ARHGAP26: variants seen among roughly 807,000 people sequenced by gnomAD.
The protein encoded by ARHGAP26 is rho GTPase-activating protein 26.
In ARHGAP26, 38 loss-of-function variants were observed where a neutral mutation model predicts 104.8. The observed-to-expected ratio is 0.36, with a 90% CI of 0.28 to 0.48. ARHGAP26 has a LOEUF of 0.48. ARHGAP26 is among the 20% of genes least tolerant of loss of function. The pLI is 0.99. For missense variants in ARHGAP26, 704 were observed against 947.9 expected, an observed-to-expected ratio of 0.74 and a Z score of 3.38; for synonymous variants, 341 against 340.0, an observed-to-expected ratio of 1.00 and a Z score of -0.03.
At chr5:142,953,307 A>AGCAAACAGATTGGTCACCT (rs1180104396) in intron 11 of ARHGAP26, among the ~76,000 whole-genome samples, 1 of 152,230 alleles carries the variant, frequency 6.6e-6, no homozygotes, top group East Asian at 1.9e-4. Context: ...AGAGTCAACA[A>AGCAAACAGATTGGTCACCT]GCAAACAGAT....
intron 11 of ARHGAP26, among the ~76,000 whole-genome samples, chr5:142,949,201 GAGA>G (rs1562136310): frequency 6.6e-5 from 1 of 15,244 alleles, no homozygotes; most frequent in Non-Finnish European, 1.1e-4. Flanking sequence ...GAGAGAGAGA[GAGA>G]GAGAGAGAGA....
intron 11 of ARHGAP26, among the ~76,000 whole-genome samples, chr5:143,012,741 C>T (rs1372543709): frequency 1.3e-5 from 2 of 149,084 alleles, no homozygotes; most frequent in East Asian, 1.9e-4. Context: ...GCAAGCTCGA[C>T]CTCCTGGGTT....
chr5:142,918,101 TTA>T (rs1762731201), intron 10 of ARHGAP26, among the ~76,000 whole-genome samples: 1 of 152,152 alleles, frequency 6.6e-6, no homozygotes, highest in Non-Finnish European at 1.5e-5. Context: ...TTCTTGAACT[TTA>T]TGTTTCAAGG....
At chr5:143,039,765 G>A (rs191203304) in intron 13 of ARHGAP26, among the ~76,000 whole-genome samples, 237 of 152,112 alleles carry the variant, frequency 1.6e-3, no homozygotes, top group Middle Eastern at 3.4e-3. Flanking sequence ...AATGCAAACT[G>A]GTAGCTCAGG....
chr5:143,150,611 T>C (rs531795318), intron 20 of ARHGAP26, among the ~76,000 whole-genome samples: 82 of 152,250 alleles, frequency 5.4e-4, no homozygotes, highest in African/African-American at 1.9e-3. Context: ...AGGAGGGAGC[T>C]GGAATTCCTC....
At chr5:143,069,322 A>T (rs978082944) in intron 17 of ARHGAP26, among the ~76,000 whole-genome samples, 2 of 152,210 alleles carry the variant, frequency 1.3e-5, no homozygotes, top group African/African-American at 4.8e-5. Context: ...ATCCTTAGCA[A>T]CTAGATCAGT....
At chr5:143,070,928 A>G (rs1331734729) in intron 17 of ARHGAP26, among the ~76,000 whole-genome samples, 1 of 152,134 alleles carries the variant, frequency 6.6e-6, no homozygotes, top group African/African-American at 2.4e-5. Flanking sequence ...AAAAACAACA[A>G]AAAAACAGGG....
chr5:143,182,832 A>G (rs781157005), intron 20 of ARHGAP26, among the ~76,000 whole-genome samples: 3 of 152,208 alleles, frequency 2.0e-5, no homozygotes, highest in African/African-American at 7.2e-5. Context: ...GTAAATAGTC[A>G]TCTCCATAAA....
intron 20 of ARHGAP26, among the ~76,000 whole-genome samples, chr5:143,176,170 A>G (rs1251620418): frequency 6.6e-6 from 1 of 152,154 alleles, no homozygotes; most frequent in East Asian, 1.9e-4. Context: ...ATGAAACAGA[A>G]TTGTCTTTAT....
At chr5:142,903,820 T>G (rs1760713880) in intron 8 of ARHGAP26, 151 bp downstream of exon 8, 6 of 851,370 alleles carry the variant, frequency 7.0e-6, no homozygotes, top group Non-Finnish European at 1.0e-5. Flanking sequence ...AGAAAGATGA[T>G]GTCCACAGAA....
At chr5:143,121,364 T>C (rs528636192) in intron 18 of ARHGAP26, among the ~76,000 whole-genome samples, 1 of 152,312 alleles carries the variant, frequency 6.6e-6, no homozygotes, top group East Asian at 1.9e-4. Context: ...GCCATGGTTA[T>C]GGTGGTGGCA....
In ARHGAP26 at chr5:143,090,674, T is replaced by A. The variant is rs1791285088; in HGVS notation, c.1539-30314T>A. The stretch of plus-strand genomic sequence containing the variant: ...GATAATAACCTGTGTAGAATTACAC[T>A]GGGTTAGCTGATGGGGGAGGGCTGT... On this transcript the variant is annotated intron_variant, in intron 17 of 22. Transcript: ENST00000645722. Among the ~76,000 whole-genome samples the A allele has an allele frequency of 1.3e-5, 2 of 152,284 alleles. 1 individual carries two copies. Among genetic ancestry groups the A allele is most frequent in the African/African-American group, 4.8e-5 (2 of 41,554 alleles).
At chr5:143,167,743 A>T (rs1304358480) in intron 20 of ARHGAP26, among the ~76,000 whole-genome samples, 3 of 152,108 alleles carry the variant, frequency 2.0e-5, no homozygotes, top group African/African-American at 7.2e-5. Context: ...TGTCTTGCCT[A>T]CCAGAATATC....
intron 20 of ARHGAP26, among the ~76,000 whole-genome samples, chr5:143,174,654 C>A (rs559333180): frequency 6.6e-6 from 1 of 152,204 alleles, no homozygotes; most frequent in East Asian, 1.9e-4. Flanking sequence ...CAAGTTGAAA[C>A]ATATTCATAT....
chr5:143,141,829 C>T (rs1798573225), intron 19 of ARHGAP26, among the ~76,000 whole-genome samples: 1 of 152,192 alleles, frequency 6.6e-6, no homozygotes, highest in African/African-American at 2.4e-5. Flanking sequence ...AGGCCCATTC[C>T]TCCTTTGCGG....
chr5:143,046,658 T>C (rs1784280934), intron 14 of ARHGAP26, among the ~76,000 whole-genome samples: 1 of 152,246 alleles, frequency 6.6e-6, no homozygotes, highest in African/African-American at 2.4e-5. Flanking sequence ...CCCCCCTGAA[T>C]ATTAAGTAAA....
chr5:143,034,207 G>A (rs1474792470), intron 12 of ARHGAP26, among the ~76,000 whole-genome samples: 1 of 152,122 alleles, frequency 6.6e-6, no homozygotes, highest in Non-Finnish European at 1.5e-5. Flanking sequence ...AAAAAGTTAA[G>A]CACGGTGTCA....
Position 143,057,718 on chromosome 5 carries a change from G to A in ARHGAP26, c.1509G>A (p.Met503Ile). Residue 503 changes from methionine to isoleucine, a missense_variant, in exon 17 of 23, where the codon ATG becomes ATA. By Grantham distance (10) the Met-to-Ile change is conservative (BLOSUM62 1). This residue lies in a region of ARHGAP26 where 287 missense variants were observed against 438.8 expected (regional missense o/e 0.65). Coordinates refer to ENST00000645722, the MANE Select transcript of ARHGAP26 (RefSeq NM_001135608.3). ...GGCTCCCAGAGAAAAATCGGCAGATGTTACAGCTGCTCATGAACCACTTGG... is the reference window on the plus strand; with the variant it reads ...GGCTCCCAGAGAAAAATCGGCAGATATTACAGCTGCTCATGAACCACTTGG... The part of the protein sequence containing the change: ...VHRLPEKNRQ[M>I]LQLLMNHLAN... 6.2e-7 allele frequency: 1 copy of A among 1,613,930 alleles called. No homozygotes were observed. The highest frequency in any genetic ancestry group is 8.5e-7 in the Non-Finnish European group (1 of 1,179,872).
chr5:142,882,372 C>T (rs183205651), intron 4 of ARHGAP26, among the ~76,000 whole-genome samples: 2 of 152,242 alleles, frequency 1.3e-5, no homozygotes, highest in Admixed American at 1.3e-4. Flanking sequence ...TGTAGTCATT[C>T]AATGTTAGTG....
Sources: allele counts gnomAD v4.1 joint callset (sites outside exome capture counted in the v4.1 genomes callset), GRCh38; gene constraint gnomAD v4.1.1; regional missense constraint gnomAD v4.1.1; transcripts MANE v1.5; gene names NCBI Gene and HGNC (gene_info 2026-07-23, HGNC 2026-07-21).